CLGN: variants seen among roughly 807,000 people sequenced by gnomAD.
CLGN encodes calmegin, also known as testis tissue sperm-binding protein Li 79P.
CLGN carries 62 observed loss-of-function variants against 79.1 expected under a neutral mutation model. The ratio of observed to expected loss-of-function variants is 0.78; its 90% CI spans 0.64 to 0.97. The LOEUF (loss-of-function observed/expected upper bound fraction) is 0.97, where lower values mean the gene tolerates loss of function less well. CLGN is among the 50% of genes least tolerant of loss of function. CLGN has a pLI of 0.00. For synonymous variants in CLGN, 225 were observed against 224.7 expected (o/e 1.00, Z -0.01); for missense variants, 647 against 715.5 (o/e 0.90, Z 1.09).
rs1286994616 is a variant in CLGN, at chr4:140,427,560, A to G, written c.-33T>C. On this transcript the variant is annotated 5_prime_UTR_variant, in exon 1 of 15. Coordinates refer to ENST00000325617, the MANE Select transcript of CLGN (RefSeq NM_004362.3). ...ACCTCTCTTGCGGCCTGTTTTCGGC[A>G]GTGACAGCTCAGATGTCCAAGTCGT... 2.0e-5 allele frequency: 3 copies of G among 152,330 alleles called. No homozygotes were observed. Among genetic ancestry groups the G allele is most frequent in the Non-Finnish European group, 2.9e-5 (2 of 68,130 alleles). 9.4% of individuals were successfully genotyped at this position (152,330 alleles called of 1,614,324 possible). A position where few individuals can be genotyped will look rare whatever the true frequency, so the allele number is the denominator to read the frequency against.
intron 1 of CLGN, among the ~76,000 whole-genome samples, chr4:140,424,210 G>A (rs891503264): frequency 6.6e-6 from 1 of 151,976 alleles, no homozygotes; most frequent in Non-Finnish European, 1.5e-5. Context: ...GGTATCTTTT[G>A]TTCTCCTTTT....
In CLGN at chr4:140,396,141, C is replaced by T; in HGVS notation, c.949G>A (p.Asp317Asn). ...SVVKPAGWLD[D>N]EPKFIPDPNA... ...GGATCAGGGATAAATTTTGGTTCAT[C>T]ATCAAGCCAGCCAGCAGGTTTAACA... The change falls in exon 9 of 15, where the codon GAT (aspartate) becomes AAT (asparagine). Residue 317 changes from aspartate to asparagine, a missense_variant. Coordinates refer to ENST00000325617, the MANE Select transcript of CLGN (RefSeq NM_004362.3). 6.2e-7 allele frequency: 1 copy of T among 1,614,184 alleles called. No homozygotes were observed. The highest frequency in any genetic ancestry group is 8.5e-7 in the Non-Finnish European group (1 of 1,180,030).
At chr4:140,396,231 T>A (rs1390820002) in intron 8 of CLGN, 26 bp from the exon 9 acceptor site, 1 of 1,522,214 alleles carries the variant, frequency 6.6e-7, no homozygotes, top group Middle Eastern at 1.7e-4. Flanking sequence ...TTTATATTAC[T>A]AATTATTCAG....
rs1728728221 is a variant in CLGN at position 140,389,176 on chromosome 4, T to C, written c.*48A>G. ...AGTTCAGGTCTGGCATGCTGATTTTTACAATGCCAAACATCCCTCTCGGGA... is the reference window on the plus strand; with the variant it reads ...AGTTCAGGTCTGGCATGCTGATTTTCACAATGCCAAACATCCCTCTCGGGA... On this transcript the variant is annotated 3_prime_UTR_variant, in exon 15 of 15. Coordinates refer to ENST00000325617, the MANE Select transcript of CLGN (RefSeq NM_004362.3). The C allele has an allele frequency of 6.7e-7, 1 of 1,492,674 alleles. No homozygotes were observed. Among genetic ancestry groups the C allele is most frequent in the African/African-American group, 1.4e-5 (1 of 72,476 alleles). The allele number at this position is 1,492,674 out of a possible 1,614,324, so 92.5% of individuals were successfully genotyped here. A position where few individuals can be genotyped will look rare whatever the true frequency, so the allele number is the denominator to read the frequency against.
chr4:140,414,066 G>T (rs1183304081), intron 1 of CLGN, among the ~76,000 whole-genome samples: 1 of 152,210 alleles, frequency 6.6e-6, no homozygotes, highest in Non-Finnish European at 1.5e-5. Context: ...AGCCTAACTG[G>T]GAGGCACCCC....
intron 7 of CLGN, 90 bp downstream of exon 7, chr4:140,400,267 A>G (rs900498531): frequency 1.2e-6 from 1 of 858,120 alleles, no homozygotes; most frequent in Non-Finnish European, 1.9e-6. Context: ...AGGATGGGGT[A>G]CACATTTGTT....
At chr4:140,413,769 G>C (rs1013236118) in intron 1 of CLGN, among the ~76,000 whole-genome samples, 3 of 152,186 alleles carry the variant, frequency 2.0e-5, no homozygotes, top group African/African-American at 4.8e-5. Flanking sequence ...AGGCGGCAGC[G>C]AGGCTGGGGG....
intron 7 of CLGN, among the ~76,000 whole-genome samples, chr4:140,399,727 G>A (rs1190234648): frequency 6.6e-6 from 1 of 152,118 alleles, no homozygotes; most frequent in African/African-American, 2.4e-5. Flanking sequence ...GCTGACCAGA[G>A]CTCTACAGCC....
At chr4:140,426,919 C>G (rs1041873781) in intron 1 of CLGN, 1 of 152,444 alleles carries the variant, frequency 6.6e-6, no homozygotes, top group Non-Finnish European at 1.5e-5. Context: ...ACAATGGGCT[C>G]TGCGCGGGTA....
chr4:140,393,994 A>G lies in CLGN; in HGVS notation c.1197T>C (p.Asp399=). The G allele has an allele frequency of 6.2e-7, 1 of 1,613,734 alleles. No individual in the cohort carries two copies. The highest frequency in any genetic ancestry group is 8.5e-7 in the Non-Finnish European group (1 of 1,179,754). ...AAGAAGTCAGAAGAAATGGATGATC[A>G]TCTTCGAAATAATCTGGATTAGGAA... The part of the protein sequence containing the change: ...RKIPNPDYFE[D]DHPFLLTSFS... Residue 399 remains aspartate (D), a synonymous_variant, in exon 11 of 15, where the codon GAT becomes GAC. Coordinates refer to ENST00000325617, the MANE Select transcript of CLGN (RefSeq NM_004362.3).
intron 1 of CLGN, among the ~76,000 whole-genome samples, chr4:140,426,240 C>A (rs982966945): frequency 6.6e-6 from 1 of 152,142 alleles, no homozygotes; most frequent in African/African-American, 2.4e-5. Context: ...TCATTTGTGA[C>A]GTGAACTAGA....
intron 1 of CLGN, among the ~76,000 whole-genome samples, chr4:140,424,629 AG>A (rs1056246116): frequency 3.9e-5 from 6 of 152,208 alleles, no homozygotes; most frequent in African/African-American, 1.4e-4. Context: ...TAGAACATTT[AG>A]TGCTAATGTC....
intron 8 of CLGN, among the ~76,000 whole-genome samples, chr4:140,397,232 T>C (rs1365842567): frequency 2.0e-5 from 3 of 152,050 alleles, no homozygotes; most frequent in Non-Finnish European, 4.4e-5. Context: ...TATTTTCTCC[T>C]GTCCTTGCGA....
intron 11 of CLGN, among the ~76,000 whole-genome samples, chr4:140,393,135 C>T (rs563757510): frequency 6.6e-6 from 1 of 152,024 alleles, no homozygotes; most frequent in East Asian, 1.9e-4. Context: ...TTTATATAAA[C>T]ACATTTCACA....
chr4:140,413,710 C>A (rs1361062612), intron 1 of CLGN, among the ~76,000 whole-genome samples: 2 of 152,204 alleles, frequency 1.3e-5, no homozygotes, highest in African/African-American at 4.8e-5. Context: ...GGTCTTACGC[C>A]CACGGAGTCT....
intron 2 of CLGN, 81 bp downstream of exon 2, chr4:140,412,854 C>A: frequency 8.4e-7 from 1 of 1,197,320 alleles, no homozygotes; most frequent in African/African-American, 1.5e-5. Context: ...ATTATTTGAA[C>A]TGAAATGAAT....
chr4:140,409,987 C>T (rs528867985), intron 3 of CLGN, 92 bp from the exon 4 acceptor site: 4 of 732,996 alleles, frequency 5.5e-6, no homozygotes, highest in African/African-American at 3.7e-5. Flanking sequence ...TAAAAGATCA[C>T]CCAATACAGT....
chr4:140,410,113 T>A (rs983141178), intron 3 of CLGN, among the ~76,000 whole-genome samples: 1 of 152,080 alleles, frequency 6.6e-6, no homozygotes, highest in Non-Finnish European at 1.5e-5. Context: ...AGCTGTATGA[T>A]CACAGGTAAG....
At chr4:140,403,992 AAC>A (rs1428663519) in intron 5 of CLGN, among the ~76,000 whole-genome samples, 1 of 152,236 alleles carries the variant, frequency 6.6e-6, no homozygotes, top group East Asian at 1.9e-4. Context: ...GTGTTTGGGA[AAC>A]ACAGTAGTAA....
Sources: allele counts gnomAD v4.1 joint callset (sites outside exome capture counted in the v4.1 genomes callset), GRCh38; gene constraint gnomAD v4.1.1; transcripts MANE v1.5; gene names NCBI Gene and HGNC (gene_info 2026-07-23, HGNC 2026-07-21).